Variants in TGS1 observed in about 807,000 individuals in gnomAD.
TGS1 encodes trimethylguanosine synthase.
Under a neutral mutation model 92.2 loss-of-function variants are expected in TGS1, and 69 were observed. That is an observed-to-expected ratio of 0.75 (90% CI 0.62 to 0.91). The LOEUF (loss-of-function observed/expected upper bound fraction) is 0.91, where lower values mean the gene tolerates loss of function less well. Ranked by LOEUF, TGS1 falls within the 40% of genes least tolerant of loss-of-function variation. TGS1 has a pLI of 0.00. For synonymous variants in TGS1, 345 were observed against 338.1 expected (o/e 1.02, Z -0.22); for missense variants, 1,062 against 1,001.2 (o/e 1.06, Z -0.82).
At chr8:55,788,347 A>G (rs548627522) in intron 4 of TGS1, among the ~76,000 whole-genome samples, 1 of 152,178 alleles carries the variant, frequency 6.6e-6, no homozygotes, top group South Asian at 2.1e-4. Flanking sequence ...GTTTCTAAAG[A>G]GCTCTGTCAA....
intron 11 of TGS1, 87 bp downstream of exon 11, chr8:55,811,184 T>TGGGGG: frequency 8.1e-6 from 1 of 123,356 alleles, no homozygotes; most frequent in Non-Finnish European, 1.6e-5. Flanking sequence ...TGTGGGTGGG[T>TGGGGG]GGGCAGGGTG....
Position 55,796,106 on chromosome 8 carries a change from A to G in TGS1, c.1496A>G (p.Lys499Arg), listed in dbSNP as rs775618171. 2 of 1,612,954 alleles carry G rather than the reference A, an allele frequency of 1.2e-6. No homozygotes were observed. The highest frequency in any genetic ancestry group is 1.7e-6 in the Non-Finnish European group (2 of 1,179,394). ...KMKNKHIFFT[K>R]ESEKPFFKKS... ...AAAAACAAACACATCTTCTTTACCA[A>G]AGAGTCAGAAAAACCATTTTTCAAG... Residue 499 changes from lysine to arginine, a missense_variant, in exon 7 of 13, where the codon AAA (lysine) becomes AGA (arginine). By Grantham distance (26) the Lys-to-Arg change is conservative. Transcript: ENST00000260129.
At chr8:55,814,675 AT>A (rs377369047) in intron 12 of TGS1, among the ~76,000 whole-genome samples, 12,755 of 111,138 alleles carry the variant, frequency 0.11, 572 homozygotes, top group African/African-American at 0.19. Flanking sequence ...AAAAAAAAAA[AT>A]ATATATATAT....
intron 4 of TGS1, among the ~76,000 whole-genome samples, chr8:55,788,374 ATAT>A (rs1272974412): frequency 6.0e-5 from 9 of 151,000 alleles, no homozygotes; most frequent in Non-Finnish European, 4.4e-5. Context: ...TTTTTTCTCT[ATAT>A]TCTTAGATTC....
chr8:55,805,018 G>A lies in TGS1; in HGVS notation c.2125G>A (p.Ala709Thr). 6.2e-7 allele frequency: 1 copy of A among 1,613,692 alleles called. No homozygotes were observed. Among genetic ancestry groups the A allele is most frequent in the African/African-American group, 1.3e-5 (1 of 75,018 alleles). ...CGVGGNTIQF[A>T]LTGMRVIAID... Reference sequence around the variant, plus strand: ...AGTTGGAGGAAATACCATTCAGTTTGCCTTAACAGGAATGAGAGGTAATTA... The same window carrying A: ...AGTTGGAGGAAATACCATTCAGTTTACCTTAACAGGAATGAGAGGTAATTA... The change falls in exon 10 of 13, where the codon GCC (alanine) becomes ACC (threonine). Residue 709 changes from alanine (A) to threonine (T), a missense_variant. Ala to Thr is a moderately conservative substitution (Grantham distance 58, BLOSUM62 0). Transcript: ENST00000260129.
chr8:55,812,976 A>AC (rs1803377630), intron 11 of TGS1, 64 bp from the exon 12 acceptor site: 2 of 1,211,040 alleles, frequency 1.7e-6, no homozygotes, highest in Non-Finnish European at 2.4e-6. Flanking sequence ...GATAAGTAAA[A>AC]CACATCTCTT....
chr8:55,798,569 G>A (rs1253262640), intron 7 of TGS1, among the ~76,000 whole-genome samples: 1 of 152,180 alleles, frequency 6.6e-6, no homozygotes, highest in Non-Finnish European at 1.5e-5. Flanking sequence ...TAGTAAGTAG[G>A]TACATTTGTA....
chr8:55,782,362 T>C (rs1014769484), intron 1 of TGS1, among the ~76,000 whole-genome samples: 45 of 152,134 alleles, frequency 3.0e-4, no homozygotes, highest in African/African-American at 1.0e-3. Context: ...GTGTTTTCGA[T>C]AGAGATGGGG....
At chr8:55,810,849 A>G (rs753223594) in intron 10 of TGS1, 32 bp from the exon 11 acceptor site, 4 of 1,542,370 alleles carry the variant, frequency 2.6e-6, no homozygotes, top group Non-Finnish European at 3.6e-6. Context: ...ATCAGTGTCA[A>G]TTAACTCATT....
intron 5 of TGS1, among the ~76,000 whole-genome samples, chr8:55,792,106 G>T (rs117795556): frequency 6.6e-6 from 1 of 152,194 alleles, no homozygotes; most frequent in East Asian, 1.9e-4. Context: ...TTCAATGAGC[G>T]TAACTTATTT....
chr8:55,779,462 A>G (rs1369962263), intron 1 of TGS1, among the ~76,000 whole-genome samples: 1 of 152,198 alleles, frequency 6.6e-6, no homozygotes, highest in Non-Finnish European at 1.5e-5. Context: ...AGCTGGGCCC[A>G]TCCTCCAGAA....
At chr8:55,803,659 TTTTTC>T (rs1007754187) in intron 9 of TGS1, among the ~76,000 whole-genome samples, 81 of 151,842 alleles carry the variant, frequency 5.3e-4, no homozygotes, top group African/African-American at 1.7e-3. Flanking sequence ...TATTTATTTA[TTTTTC>T]TTTTCTTTTC....
chr8:55,791,008 A>G (rs958752774), intron 5 of TGS1, among the ~76,000 whole-genome samples: 5 of 151,724 alleles, frequency 3.3e-5, no homozygotes, highest in African/African-American at 1.2e-4. Context: ...AATGTTTTTC[A>G]AAAGTCTGGA....
At chr8:55,790,471 G>A (rs1168924817) in intron 5 of TGS1, among the ~76,000 whole-genome samples, 172 bp downstream of exon 5, 2 of 151,692 alleles carry the variant, frequency 1.3e-5, no homozygotes, top group African/African-American at 2.4e-5. Context: ...GGTTAAGGCC[G>A]AACTCTGCCA....
chr8:55,782,877 T>C, intron 2 of TGS1, 65 bp downstream of exon 2: 2 of 968,952 alleles, frequency 2.1e-6, no homozygotes, highest in South Asian at 1.6e-5. Flanking sequence ...TTAATTTATG[T>C]ATAATTTGTT....
intron 12 of TGS1, among the ~76,000 whole-genome samples, chr8:55,816,604 G>A (rs555500261): frequency 6.6e-6 from 1 of 152,166 alleles, no homozygotes; most frequent in East Asian, 1.9e-4. Context: ...AGAGAGCAGG[G>A]CAACATTAAG....
At chr8:55,791,419 GC>G (rs1299483052) in intron 5 of TGS1, among the ~76,000 whole-genome samples, 8 of 152,286 alleles carry the variant, frequency 5.3e-5, no homozygotes, top group African/African-American at 1.9e-4. Flanking sequence ...AACTGCAGAG[GC>G]CTAACCATAA....
intron 4 of TGS1, among the ~76,000 whole-genome samples, chr8:55,787,915 C>G (rs1811767131): frequency 6.6e-6 from 1 of 152,172 alleles, no homozygotes; most frequent in African/African-American, 2.4e-5. Flanking sequence ...GGGGAGGTCC[C>G]AGGCTCTTGT....
At position 55,790,239 on chromosome 8, in the gene TGS1, C is replaced by G. The variant is rs61754979; in HGVS notation, c.1220C>G (p.Thr407Ser). 1,148 of 1,614,002 alleles carry G rather than the reference C, an allele frequency of 7.1e-4. 9 individuals carry two copies. In the African/African-American group the frequency reaches 9.5e-3, roughly 13 times the overall value. ...TSKDRPHASG[T>S]DGDESEEDPP... ...AAAGACAGACCACATGCCAGTGGTA[C>G]TGATGGAGATGAAAGTGAGGAAGAC... The change falls in exon 5 of 13, where the codon ACT becomes AGT. Residue 407 changes from threonine to serine, a missense_variant. Transcript: ENST00000260129.
Sources: allele counts gnomAD v4.1 joint callset (sites outside exome capture counted in the v4.1 genomes callset), GRCh38; gene constraint gnomAD v4.1.1; transcripts MANE v1.5; gene names NCBI Gene and HGNC (gene_info 2026-07-23, HGNC 2026-07-21).